Variants in TENM1 observed in about 807,000 individuals in gnomAD.
TENM1 encodes the protein teneurin-1.
A neutral mutation model predicts 174.8 loss-of-function variants in TENM1; 35 were observed. That is an observed-to-expected ratio of 0.20 (90% CI 0.15 to 0.27). TENM1 has a LOEUF of 0.27. TENM1 is among the 10% of genes least tolerant of loss of function. TENM1 has a pLI of 1.00. For synonymous variants in TENM1, 781 were observed against 798.7 expected, an observed-to-expected ratio of 0.98 and a Z score of 0.37; for missense variants, 1,633 against 2,130.1, an observed-to-expected ratio of 0.77 and a Z score of 4.59.
At chrX:124,421,211 C>T (rs2060649220) in intron 24 of TENM1, among the ~76,000 whole-genome samples, 1 of 111,798 alleles carries the variant, frequency 8.9e-6, no homozygotes, top group African/African-American at 3.3e-5. Context: ...TCCTACTGTG[C>T]CTAGATGCCC....
intron 6 of TENM1, among the ~76,000 whole-genome samples, chrX:124,660,375 C>A (rs368846849): frequency 0.028 from 2,238 of 79,158 alleles, 58 homozygotes; most frequent in African/African-American, 0.096. Flanking sequence ...ACTCCATCTC[C>A]AAAAAAAAAA....
At chrX:124,692,559 T>C (rs143283668) in intron 5 of TENM1, among the ~76,000 whole-genome samples, 1,206 of 109,732 alleles carry the variant, frequency 0.011, 17 homozygotes, top group African/African-American at 0.036. Context: ...TGTCTTGAAC[T>C]GAAAGTGGTG....
At chrX:124,909,503 A>G (rs1360082880) in intron 1 of TENM1, among the ~76,000 whole-genome samples, 2 of 112,353 alleles carry the variant, frequency 1.8e-5, no homozygotes, top group African/African-American at 6.5e-5. Flanking sequence ...TGACAATATA[A>G]AAATAGACCC....
At chrX:124,879,886 T>C (rs779727149) in intron 3 of TENM1, among the ~76,000 whole-genome samples, 1 of 112,128 alleles carries the variant, frequency 8.9e-6, no homozygotes, top group South Asian at 3.7e-4. Context: ...CTGGGTTCTC[T>C]ATTCTTTTCA....
At chrX:124,607,765 A>C (rs2050193723) in intron 11 of TENM1, among the ~76,000 whole-genome samples, 1 of 111,046 alleles carries the variant, frequency 9.0e-6, no homozygotes, top group Admixed American at 9.6e-5. Context: ...AATAGACTCT[A>C]GGGGGAAAAG....
intron 22 of TENM1, among the ~76,000 whole-genome samples, chrX:124,455,189 T>C (rs1249103878): frequency 8.9e-6 from 1 of 112,170 alleles, no homozygotes; most frequent in Non-Finnish European, 1.9e-5. Context: ...AAGTCATCTA[T>C]GTTTTGGTGA....
At chrX:124,620,623 T>C (rs1029530128) in intron 11 of TENM1, among the ~76,000 whole-genome samples, 3 of 112,370 alleles carry the variant, frequency 2.7e-5, no homozygotes, top group African/African-American at 9.7e-5. Context: ...AAGATGTACC[T>C]GACTCCTTCC....
intron 11 of TENM1, among the ~76,000 whole-genome samples, chrX:124,586,081 G>A (rs1186532296): frequency 9.1e-6 from 1 of 109,519 alleles, no homozygotes; most frequent in Non-Finnish European, 1.9e-5. Context: ...GGACCAGATG[G>A]ATTCACAGCC....
At chrX:124,741,852 T>C (rs1422552661) in intron 3 of TENM1, among the ~76,000 whole-genome samples, 1 of 112,408 alleles carries the variant, frequency 8.9e-6, no homozygotes, top group African/African-American at 3.2e-5. Context: ...TGCAGTTTTC[T>C]GCATTCATCT....
At chrX:124,517,430 A>G (rs1003680031) in intron 18 of TENM1, among the ~76,000 whole-genome samples, 7 of 110,045 alleles carry the variant, frequency 6.4e-5, no homozygotes, top group Non-Finnish European at 1.1e-4. Context: ...CAACAATGAT[A>G]GACTGGATTA....
intron 3 of TENM1, among the ~76,000 whole-genome samples, chrX:124,825,580 T>A (rs2056140868): frequency 8.9e-6 from 1 of 111,991 alleles, no homozygotes; most frequent in African/African-American, 3.2e-5. Context: ...GGCTATAATA[T>A]CCATGATTGA....
chrX:124,992,258 G>A, the TENM1 span, among the ~76,000 whole-genome samples: 134 of 111,231 alleles, frequency 1.2e-3, 1 homozygote, highest in Non-Finnish European at 2.1e-3. Context: ...GTAATGCTCT[G>A]CCTAGCCCTC....
intron 1 of TENM1, among the ~76,000 whole-genome samples, chrX:124,923,745 G>T (rs1268877384): frequency 1.8e-5 from 2 of 111,888 alleles, no homozygotes; most frequent in Non-Finnish European, 3.8e-5. Context: ...CGGGGAAGAT[G>T]GATCAAATAG....
At chrX:124,479,703 C>A (rs2046804608) in intron 22 of TENM1, among the ~76,000 whole-genome samples, 1 of 111,406 alleles carries the variant, frequency 9.0e-6, no homozygotes, top group Non-Finnish European at 1.9e-5. Flanking sequence ...GGTTTTCAGA[C>A]TAGCAGCAAC....
At chrX:124,835,399 T>C (rs1314876371) in intron 3 of TENM1, among the ~76,000 whole-genome samples, 1 of 112,364 alleles carries the variant, frequency 8.9e-6, no homozygotes, top group African/African-American at 3.2e-5. Flanking sequence ...ACCTCTCATC[T>C]GTGAAATGCT....
chrX:124,742,946 G>A lies in TENM1; in HGVS notation c.536-5749C>T, dbSNP rs192522314. Among the ~76,000 whole-genome samples the A allele has an allele frequency of 2.2e-3, 241 of 110,988 alleles. 6 individuals carry two copies. Among genetic ancestry groups the A allele is most frequent in the East Asian group, 7.6e-3 (27 of 3,557 alleles). ...GCCCTCCCCTTCTAGGCAGGAGTAG[G>A]GGGTAAAAGGAAACAGGCTTAAAAG... On this transcript the variant is annotated intron_variant, in intron 3 of 31. Coordinates refer to ENST00000422452, the Ensembl canonical transcript of TENM1.
intron 3 of TENM1, among the ~76,000 whole-genome samples, chrX:124,883,950 G>T (rs915281873): frequency 1.8e-5 from 2 of 111,268 alleles, no homozygotes; most frequent in Non-Finnish European, 3.8e-5. Context: ...GTGCATGCAG[G>T]TGCTGACTGT....
chrX:124,463,879 A>G (rs111840625), intron 22 of TENM1, among the ~76,000 whole-genome samples: 27 of 83,339 alleles, frequency 3.2e-4, no homozygotes, highest in East Asian at 2.7e-3. Flanking sequence ...GTGTGTGTGG[A>G]GAGAGAGAGA....
At chrX:124,607,889 A>G (rs1449501861) in intron 11 of TENM1, among the ~76,000 whole-genome samples, 1 of 111,184 alleles carries the variant, frequency 9.0e-6, no homozygotes, top group Non-Finnish European at 1.9e-5. Context: ...CAGATTCTGG[A>G]TATATTTGAG....
Sources: allele counts gnomAD v4.1 joint callset (sites outside exome capture counted in the v4.1 genomes callset), GRCh38; gene constraint gnomAD v4.1.1; transcripts MANE v1.5; gene names NCBI Gene and HGNC (gene_info 2026-07-23, HGNC 2026-07-21).